The following PDE4D variants were observed in gnomAD, a reference collection of about 807,000 sequenced individuals.
PDE4D encodes phosphodiesterase 4D, also known as 3',5'-cyclic-AMP phosphodiesterase 4D.
In PDE4D, 24 loss-of-function variants were observed where a neutral mutation model predicts 87.4. That is an observed-to-expected ratio of 0.27 (90% CI 0.20 to 0.39). The LOEUF (loss-of-function observed/expected upper bound fraction) is 0.39, where lower values mean the gene tolerates loss of function less well. Among genes scored for constraint, PDE4D ranks in the 10% least tolerant of loss-of-function variants. The probability of loss-of-function intolerance (pLI) is 1.00; values close to 1 mark genes in which losing one functional copy is unlikely to be tolerated. For missense variants in PDE4D, 714 were observed against 1,041.0 expected (o/e 0.69, Z 4.32); for synonymous variants, 384 against 383.2 (o/e 1.00, Z -0.02).
At chr5:59,558,676 G>C (rs1819409554) in intron 1 of PDE4D, 1 of 152,088 alleles carries the variant, frequency 6.6e-6, no homozygotes, top group Admixed American at 6.6e-5. Context: ...CATAAATCCA[G>C]GCTACTCTTC....
chr5:59,098,802 G>C (rs1340352682), intron 5 of PDE4D, among the ~76,000 whole-genome samples: 1 of 151,902 alleles, frequency 6.6e-6, no homozygotes, highest in East Asian at 1.9e-4. Flanking sequence ...CAGGGACCTA[G>C]GTTCCTATTA....
At chr5:60,072,687 A>G (rs1368432985) in intron 2 of PDE4D, among the ~76,000 whole-genome samples, 1 of 152,064 alleles carries the variant, frequency 6.6e-6, no homozygotes, top group African/African-American at 2.4e-5. Flanking sequence ...TTTTATGTAT[A>G]GTGTACTGAA....
chr5:59,275,214 T>C (rs973234698), intron 1 of PDE4D: 3 of 749,954 alleles, frequency 4.0e-6, no homozygotes, highest in Middle Eastern at 4.8e-4. Flanking sequence ...AAATAAAGAA[T>C]AAAAGAGCCG....
intron 1 of PDE4D, among the ~76,000 whole-genome samples, chr5:60,423,028 A>G (rs1743277876): frequency 6.6e-6 from 1 of 152,252 alleles, no homozygotes; most frequent in South Asian, 2.1e-4. Flanking sequence ...ATACAGGAGC[A>G]TCCAGATTCA....
chr5:59,875,353 C>T (rs565270474), intron 1 of PDE4D, among the ~76,000 whole-genome samples: 77 of 147,436 alleles, frequency 5.2e-4, no homozygotes, highest in African/African-American at 1.7e-3. Context: ...CCCAGCTACT[C>T]GGGAGGCTGA....
chr5:59,129,876 C>T (rs1776026333), intron 5 of PDE4D, among the ~76,000 whole-genome samples: 1 of 152,116 alleles, frequency 6.6e-6, no homozygotes, highest in Admixed American at 6.5e-5. Flanking sequence ...AAATATGACC[C>T]TACCTTGCAG....
intron 1 of PDE4D, among the ~76,000 whole-genome samples, chr5:59,439,913 GAAGT>G (rs1797340669): frequency 6.6e-6 from 1 of 152,142 alleles, no homozygotes; most frequent in Non-Finnish European, 1.5e-5. Flanking sequence ...AATAAATTAG[GAAGT>G]GAGTGAATGA....
At chr5:60,157,848 T>C (rs1185890561) in intron 2 of PDE4D, among the ~76,000 whole-genome samples, 1 of 152,060 alleles carries the variant, frequency 6.6e-6, no homozygotes, top group African/African-American at 2.4e-5. Flanking sequence ...TGAACCATTC[T>C]TTTCTTTTCT....
At chr5:60,042,314 A>C (rs1037786561) in intron 2 of PDE4D, among the ~76,000 whole-genome samples, 4 of 152,112 alleles carry the variant, frequency 2.6e-5, no homozygotes, top group Non-Finnish European at 5.9e-5. Context: ...CTTATAGATA[A>C]AATTCCCATC....
chr5:59,819,373 A>C (rs1186444231), intron 1 of PDE4D, among the ~76,000 whole-genome samples: 1 of 151,934 alleles, frequency 6.6e-6, no homozygotes, highest in Non-Finnish European at 1.5e-5. Context: ...CTTCAAAAGG[A>C]CTCCAAATCT....
intron 1 of PDE4D, among the ~76,000 whole-genome samples, chr5:60,401,534 C>T (rs542843716): frequency 5.3e-5 from 8 of 152,244 alleles, no homozygotes; most frequent in East Asian, 3.9e-4. Context: ...GGCAAGCCCA[C>T]GGGGCAGGGG....
At chr5:59,971,238 G>A (rs1760721445) in intron 3 of PDE4D, among the ~76,000 whole-genome samples, 1 of 149,688 alleles carries the variant, frequency 6.7e-6, no homozygotes, top group Admixed American at 6.6e-5. Context: ...GGATAGCTTT[G>A]GGAGATATAC....
At chr5:59,419,898 G>C (rs1004464043) in intron 1 of PDE4D, among the ~76,000 whole-genome samples, 2 of 152,220 alleles carry the variant, frequency 1.3e-5, no homozygotes, top group East Asian at 1.9e-4. Flanking sequence ...CCAATGTAAG[G>C]CAAAATGTTC....
At position 58,970,864 on chromosome 5, in the gene PDE4D, T is replaced by TA. The variant is rs1243963525; in HGVS notation, c.*3799dup. On this transcript the variant is annotated 3_prime_UTR_variant, in exon 15 of 15. Coordinates refer to ENST00000340635, the MANE Select transcript of PDE4D (RefSeq NM_001104631.2). ...TTAAAAAAAAGAAAAAGATTGTTTA[T>TA]AATCACTGGGAAAGAATATATTTCC... 2 of 148,454 alleles carry TA rather than the reference T, an allele frequency of 1.3e-5. No homozygotes were observed. The highest frequency in any genetic ancestry group is 3.0e-5 in the Non-Finnish European group (2 of 67,174). 9.2% of individuals were successfully genotyped at this position (148,454 alleles called of 1,614,324 possible). A position where few individuals can be genotyped will look rare whatever the true frequency, so the allele number is the denominator to read the frequency against.
At chr5:59,015,963 T>C (rs1222777471) in intron 6 of PDE4D, among the ~76,000 whole-genome samples, 1 of 152,178 alleles carries the variant, frequency 6.6e-6, no homozygotes, top group African/African-American at 2.4e-5. Flanking sequence ...GATGAGTTCA[T>C]CATGTCCTTT....
chr5:59,718,682 C>A (rs1174978727), intron 1 of PDE4D, among the ~76,000 whole-genome samples: 1 of 152,144 alleles, frequency 6.6e-6, no homozygotes, highest in Non-Finnish European at 1.5e-5. Context: ...AGAAAGATCT[C>A]GAGATTGTGC....
intron 1 of PDE4D, among the ~76,000 whole-genome samples, chr5:59,227,597 C>T (rs1754093520): frequency 1.3e-5 from 2 of 152,054 alleles, no homozygotes; most frequent in African/African-American, 4.8e-5. Flanking sequence ...AGGACATGAA[C>T]ATTTTTCAAA....
chr5:59,248,042 TAAA>T (rs70975306), intron 1 of PDE4D, among the ~76,000 whole-genome samples: 2 of 37,492 alleles, frequency 5.3e-5, no homozygotes, highest in Non-Finnish European at 8.9e-5. Flanking sequence ...TATCTATTAG[TAAA>T]AAAAAAAAAA....
rs181807010 is a variant in PDE4D at position 59,123,600 on chromosome 5, T to C, written c.808+56995A>G. On this transcript the variant is annotated intron_variant, in intron 5 of 14. Transcript: ENST00000340635. ...ATTACCAAGTTTCCTGCCTTGGATA[T>C]TGGAGTTCTTAATACTAACATCAAA... Among the ~76,000 whole-genome samples, 755 of 152,330 alleles carry C rather than the reference T, an allele frequency of 5.0e-3. 3 individuals carry two copies. Among genetic ancestry groups the C allele is most frequent in the Non-Finnish European group, 7.9e-3 (537 of 68,014 alleles).
Sources: allele counts gnomAD v4.1 joint callset (sites outside exome capture counted in the v4.1 genomes callset), GRCh38; gene constraint gnomAD v4.1.1; transcripts MANE v1.5; gene names NCBI Gene and HGNC (gene_info 2026-07-23, HGNC 2026-07-21).